The following TRPM3 variants were observed in gnomAD, a reference collection of about 807,000 sequenced individuals.
The protein encoded by TRPM3 is long transient receptor potential channel 3.
In TRPM3, 77 loss-of-function variants were observed where a neutral mutation model predicts 181.2. The observed-to-expected ratio is 0.42, with a 90% CI of 0.35 to 0.51. The LOEUF is 0.51. Ranked by LOEUF, TRPM3 falls within the 20% of genes least tolerant of loss-of-function variation. The pLI is 0.01. For missense variants in TRPM3, 1,759 were observed against 2,196.7 expected (o/e 0.80, Z 3.98); for synonymous variants, 745 against 796.4 (o/e 0.94, Z 1.09).
At chr9:71,020,279 C>G (rs2097834430) in intron 1 of TRPM3, among the ~76,000 whole-genome samples, 2 of 151,758 alleles carry the variant, frequency 1.3e-5, no homozygotes, top group Non-Finnish European at 2.9e-5. Flanking sequence ...TTAGCCTGGG[C>G]AAGAAAATGA....
chr9:71,104,206 A>G lies in TRPM3; in HGVS notation c.177+16972T>C, dbSNP rs576415581. ...GCTGGGATTACAGGTGTGAATCACC[A>G]TGCCCACCCCATTTAGCAACTCTTT... On this transcript the variant is annotated intron_variant, in intron 1 of 25. Coordinates refer to ENST00000677713, the MANE Select transcript of TRPM3 (RefSeq NM_001366145.2). Among the ~76,000 whole-genome samples, 6 of 152,284 alleles carry G rather than the reference A, an allele frequency of 3.9e-5. No individual in the cohort carries two copies. In the South Asian group the frequency reaches 1.2e-3, roughly 32 times the overall value.
intron 1 of TRPM3, among the ~76,000 whole-genome samples, chr9:71,241,634 CTT>C (rs1409697418): frequency 6.6e-6 from 1 of 151,974 alleles, no homozygotes; most frequent in Non-Finnish European, 1.5e-5. Flanking sequence ...TACCCTAAAA[CTT>C]AAAGTATAAT....
At chr9:70,998,254 T>C (rs559411087) in intron 1 of TRPM3, among the ~76,000 whole-genome samples, 12 of 131,168 alleles carry the variant, frequency 9.1e-5, no homozygotes, top group Non-Finnish European at 1.9e-4. Context: ...CACACACATA[T>C]ATATATATAT....
At chr9:71,401,026 C>T (rs2871367) in intron 1 of TRPM3, among the ~76,000 whole-genome samples, 67,904 of 151,402 alleles carry the variant, frequency 0.45, 16,850 homozygotes, top group East Asian at 0.59. Context: ...GGCAAAACCC[C>T]GTCTCTACTA....
intron 1 of TRPM3, among the ~76,000 whole-genome samples, chr9:71,250,533 T>G (rs1367530950): frequency 6.6e-6 from 1 of 152,212 alleles, no homozygotes; most frequent in African/African-American, 2.4e-5. Flanking sequence ...AGTATTGGTT[T>G]ACTCATTTGA....
At chr9:71,151,564 A>C (rs1364455391) in intron 1 of TRPM3, among the ~76,000 whole-genome samples, 1 of 152,082 alleles carries the variant, frequency 6.6e-6, no homozygotes. Context: ...TTATTAAAAA[A>C]AACATGTTGA....
At chr9:70,745,839 G>A (rs1183916057) in intron 8 of TRPM3, among the ~76,000 whole-genome samples, 1 of 152,130 alleles carries the variant, frequency 6.6e-6, no homozygotes, top group Admixed American at 6.6e-5. Context: ...AGGGAAGATG[G>A]AACCTGAAGA....
chr9:71,230,157 T>C (rs2080954720), intron 1 of TRPM3, among the ~76,000 whole-genome samples: 1 of 152,126 alleles, frequency 6.6e-6, no homozygotes, highest in Admixed American at 6.6e-5. Context: ...ATTCTGTCAT[T>C]TGCAACAACA....
At chr9:71,168,273 T>C (rs1017058140) in intron 1 of TRPM3, among the ~76,000 whole-genome samples, 4 of 152,154 alleles carry the variant, frequency 2.6e-5, no homozygotes, top group African/African-American at 9.7e-5. Context: ...CTATCTTCCT[T>C]TGTAATCTAG....
At chr9:70,575,585 T>C (rs2053721085) in intron 22 of TRPM3, among the ~76,000 whole-genome samples, 1 of 152,202 alleles carries the variant, frequency 6.6e-6, no homozygotes. Context: ...ATAATATGCA[T>C]GAATGTCTGA....
chr9:70,602,731 T>C (rs2060288631), intron 20 of TRPM3, among the ~76,000 whole-genome samples: 1 of 152,080 alleles, frequency 6.6e-6, no homozygotes, highest in South Asian at 2.1e-4. Context: ...AATAAACCAT[T>C]TAGGGGTGGC....
intron 1 of TRPM3, among the ~76,000 whole-genome samples, chr9:71,401,632 C>T (rs2093342827): frequency 6.6e-6 from 1 of 152,086 alleles, no homozygotes; most frequent in South Asian, 2.1e-4. Flanking sequence ...ATTCTGAAAG[C>T]AGTTTTGTAA....
At chr9:70,917,863 A>T (rs374054945) in intron 1 of TRPM3, among the ~76,000 whole-genome samples, 8 of 151,930 alleles carry the variant, frequency 5.3e-5, no homozygotes, top group African/African-American at 1.9e-4. Flanking sequence ...CTCAATGGAT[A>T]AAAAAAACAA....
chr9:71,019,188 C>T (rs1488010573), intron 1 of TRPM3, among the ~76,000 whole-genome samples: 2 of 151,896 alleles, frequency 1.3e-5, no homozygotes, highest in Admixed American at 1.3e-4. Context: ...AAGCTTTCCT[C>T]TGGAGACCTG....
At chr9:70,752,050 G>GCGCA (rs1554685924) in intron 8 of TRPM3, among the ~76,000 whole-genome samples, 2 of 46,114 alleles carry the variant, frequency 4.3e-5, no homozygotes, top group African/African-American at 1.7e-4. Flanking sequence ...GTGTGTGTGT[G>GCGCA]CGCGCGCGCG....
intron 25 of TRPM3, among the ~76,000 whole-genome samples, chr9:70,546,521 C>T (rs1223034450): frequency 6.6e-6 from 1 of 152,044 alleles, no homozygotes; most frequent in Non-Finnish European, 1.5e-5. Flanking sequence ...CCTTGTGGAT[C>T]CTTAGTGCGT....
intron 1 of TRPM3, among the ~76,000 whole-genome samples, chr9:71,068,164 G>A (rs1184574016): frequency 6.6e-6 from 1 of 152,152 alleles, no homozygotes; most frequent in African/African-American, 2.4e-5. Flanking sequence ...GATAAGTTCA[G>A]GAAGCAACTC....
intron 1 of TRPM3, among the ~76,000 whole-genome samples, chr9:70,965,407 AT>A: frequency 6.6e-6 from 1 of 152,128 alleles, no homozygotes; most frequent in Non-Finnish European, 1.5e-5. Flanking sequence ...CAAATCACAG[AT>A]TTCAGTGTAG....
chr9:70,999,255 G>A (rs2097574670), intron 1 of TRPM3, among the ~76,000 whole-genome samples: 1 of 152,202 alleles, frequency 6.6e-6, no homozygotes, highest in South Asian at 2.1e-4. Flanking sequence ...GATCATAGGT[G>A]TGCTTTTAAC....
Sources: gnomAD v4.1 joint callset for allele counts (sites outside exome capture counted in the v4.1 genomes callset) on GRCh38, gnomAD v4.1.1 for gene constraint, MANE v1.5 for transcripts, NCBI Gene and HGNC (gene_info 2026-07-23, HGNC 2026-07-21) for gene names.